Variants in MIPOL1 observed in about 807,000 individuals in gnomAD.
The protein encoded by MIPOL1 is mirror-image polydactyly gene 1 protein.
Under a neutral mutation model 60.9 loss-of-function variants are expected in MIPOL1, and 57 were observed. The ratio of observed to expected loss-of-function variants is 0.94; its 90% CI spans 0.76 to 1.17. The LOEUF is 1.17. Ranked by LOEUF, MIPOL1 falls within the 50% of genes most tolerant of loss-of-function variation. The probability of loss-of-function intolerance (pLI) is 0.00; values close to 1 mark genes in which losing one functional copy is unlikely to be tolerated. For synonymous variants in MIPOL1, 179 were observed against 168.8 expected (o/e 1.06, Z -0.47); for missense variants, 551 against 511.6 (o/e 1.08, Z -0.74).
intron 10 of MIPOL1, among the ~76,000 whole-genome samples, chr14:37,416,838 A>G (rs956042644): frequency 2.6e-5 from 4 of 152,138 alleles, no homozygotes; most frequent in African/African-American, 9.7e-5. Context: ...CTAGATCCAC[A>G]CTAGATTTTA....
intron 6 of MIPOL1, among the ~76,000 whole-genome samples, chr14:37,281,548 G>A (rs1016038353): frequency 1.3e-5 from 2 of 152,108 alleles, no homozygotes; most frequent in Non-Finnish European, 2.9e-5. Flanking sequence ...GGGATTACTG[G>A]CACGCACCAC....
At chr14:37,300,262 G>A (rs1003146269) in intron 7 of MIPOL1, among the ~76,000 whole-genome samples, 2 of 147,890 alleles carry the variant, frequency 1.4e-5, no homozygotes, top group Non-Finnish European at 1.5e-5. Context: ...ACCTCCTGAG[G>A]GGAGAATACT....
At chr14:37,217,610 A>C (rs1021183517) in intron 1 of MIPOL1, among the ~76,000 whole-genome samples, 5 of 152,232 alleles carry the variant, frequency 3.3e-5, no homozygotes, top group Non-Finnish European at 7.3e-5. Context: ...ATCAATGTGT[A>C]CATCATATGA....
chr14:37,480,985 T>A (rs997340645), intron 11 of MIPOL1, among the ~76,000 whole-genome samples: 2 of 151,818 alleles, frequency 1.3e-5, no homozygotes, highest in Non-Finnish European at 2.9e-5. Context: ...TTTAAAAATT[T>A]AAAAAAATAG....
chr14:37,354,985 G>A (rs1429704257), intron 9 of MIPOL1, among the ~76,000 whole-genome samples: 1 of 109,628 alleles, frequency 9.1e-6, no homozygotes, highest in African/African-American at 3.5e-5. Context: ...GTTAGTTGAT[G>A]CAGTTTCTTC....
rs926249970 is a variant in MIPOL1 at position 37,199,705 on chromosome 14, A to G, written c.-199+1601A>G. Among the ~76,000 whole-genome samples, 3 of 152,094 alleles carry G rather than the reference A, an allele frequency of 2.0e-5. No individual in the cohort carries two copies. In the East Asian group the frequency reaches 5.8e-4, roughly 30 times the overall value. On this transcript the variant is annotated intron_variant, in intron 1 of 12. Coordinates refer to ENST00000684589, the MANE Select transcript of MIPOL1 (RefSeq NM_001388067.1). The stretch of plus-strand genomic sequence containing the variant: ...ACGCCTGGCTAAGTTTTGTATTTTT[A>G]GTAAAGACGGGGTTTCACCTTGTTG...
intron 3 of MIPOL1, among the ~76,000 whole-genome samples, chr14:37,250,969 T>A (rs1192605471): frequency 6.6e-6 from 1 of 152,130 alleles, no homozygotes. Flanking sequence ...TTTTTCTTTG[T>A]TTTTGTCATT....
At chr14:37,285,595 TC>T in intron 7 of MIPOL1, 148 bp downstream of exon 7, 2 of 817,728 alleles carry the variant, frequency 2.4e-6, no homozygotes, top group Non-Finnish European at 3.5e-6. Flanking sequence ...TTTTTTCTTT[TC>T]TTTTTTTTTT....
chr14:37,546,507 A>G (rs559143311), intron 12 of MIPOL1, among the ~76,000 whole-genome samples: 1 of 152,332 alleles, frequency 6.6e-6, no homozygotes, highest in African/African-American at 2.4e-5. Context: ...CAGGTGAAAC[A>G]TTGCTGATAT....
rs71124802 is a variant in MIPOL1, at chr14:37,282,238, A to ATATTATTATTATTATTAT, written c.494-3063_494-3046dup. Among the ~76,000 whole-genome samples the ATATTATTATTATTATTAT allele has an allele frequency of 6.1e-4, 90 of 146,434 alleles. 1 individual carries two copies. The highest frequency in any genetic ancestry group is 9.0e-4 in the Non-Finnish European group (60 of 66,946). The stretch of plus-strand genomic sequence containing the variant: ...GCCCTCTTTGTCTAATATTGCAGTA[A>ATATTATTATTATTATTAT]TATTATTATTATTATTATTATTATT... On this transcript the variant is annotated intron_variant, in intron 6 of 12. Transcript: ENST00000684589.
chr14:37,444,424 T>C (rs1252074785), intron 11 of MIPOL1, among the ~76,000 whole-genome samples: 1 of 152,200 alleles, frequency 6.6e-6, no homozygotes, highest in Non-Finnish European at 1.5e-5. Context: ...ATGGGAACAC[T>C]CAATATTTCT....
intron 12 of MIPOL1, among the ~76,000 whole-genome samples, chr14:37,509,044 G>A (rs1027214161): frequency 4.0e-5 from 6 of 151,764 alleles, no homozygotes; most frequent in East Asian, 1.9e-4. Context: ...CCAGCTATCC[G>A]AACATAATGG....
chr14:37,223,194 G>C (rs1393332997), intron 1 of MIPOL1, among the ~76,000 whole-genome samples: 2 of 151,828 alleles, frequency 1.3e-5, no homozygotes, highest in Admixed American at 1.3e-4. Context: ...CACCACACCT[G>C]GCTGGTTTTT....
intron 11 of MIPOL1, among the ~76,000 whole-genome samples, chr14:37,434,045 C>G (rs896945615): frequency 6.6e-6 from 1 of 152,102 alleles, no homozygotes; most frequent in Non-Finnish European, 1.5e-5. Flanking sequence ...TGGGTATATA[C>G]CCAGTAATGG....
intron 3 of MIPOL1, among the ~76,000 whole-genome samples, chr14:37,261,036 G>A: frequency 6.6e-6 from 1 of 151,886 alleles, no homozygotes; most frequent in East Asian, 1.9e-4. Flanking sequence ...TGAATGTCAA[G>A]ATTTCTAAAT....
At chr14:37,235,969 T>C (rs12891038) in intron 1 of MIPOL1, among the ~76,000 whole-genome samples, 68,093 of 151,398 alleles carry the variant, frequency 0.45, 17,788 homozygotes, top group African/African-American at 0.73. Context: ...CTCTGTCACC[T>C]AGGCTAGAGT....
intron 11 of MIPOL1, among the ~76,000 whole-genome samples, chr14:37,450,248 G>T (rs904797872): frequency 6.6e-6 from 1 of 152,046 alleles, no homozygotes; most frequent in Non-Finnish European, 1.5e-5. Flanking sequence ...CCTGTGTGTG[G>T]CTCTCCAGTT....
chr14:37,356,428 G>T (rs2091833106), intron 9 of MIPOL1, among the ~76,000 whole-genome samples: 1 of 152,096 alleles, frequency 6.6e-6, no homozygotes, highest in East Asian at 1.9e-4. Context: ...GCTGTGGTGG[G>T]CTCCACCCAG....
At chr14:37,200,084 A>G (rs536593577) in intron 1 of MIPOL1, among the ~76,000 whole-genome samples, 1 of 152,260 alleles carries the variant, frequency 6.6e-6, no homozygotes, top group South Asian at 2.1e-4. Context: ...GATGGTATTG[A>G]ACACATATTC....
Sources: gnomAD v4.1 joint callset for allele counts (sites outside exome capture counted in the v4.1 genomes callset) on GRCh38, gnomAD v4.1.1 for gene constraint, MANE v1.5 for transcripts, NCBI Gene and HGNC (gene_info 2026-07-23, HGNC 2026-07-21) for gene names.